The following DSCAML1 variants were observed in gnomAD, a reference collection of about 807,000 sequenced individuals.
DSCAML1 encodes DS cell adhesion molecule like 1.
A neutral mutation model predicts 200.5 loss-of-function variants in DSCAML1; 38 were observed. That is an observed-to-expected ratio of 0.19 (90% confidence interval 0.15 to 0.25). The LOEUF is 0.25. DSCAML1 is among the 10% of genes least tolerant of loss of function. The pLI is 1.00. For missense variants in DSCAML1, 2,223 were observed against 2,858.8 expected (o/e 0.78, Z 5.07); for synonymous variants, 1,215 against 1,165.0 (o/e 1.04, Z -0.87).
At position 117,504,859 on chromosome 11, in the gene DSCAML1, C is replaced by G. The variant is rs2049461936; in HGVS notation, c.2182+65G>C. 2 of 1,540,686 alleles carry G rather than the reference C, an allele frequency of 1.3e-6. No homozygotes were observed. Among genetic ancestry groups the G allele is most frequent in the Non-Finnish European group, 1.8e-6 (2 of 1,138,830 alleles). ...GCCTGCATGGAACAGGTTCAAATCC[C>G]ACAGAGCATCCTCCGTTCCCCGTCC... On this transcript the variant is annotated intron_variant, in intron 10 of 32. Coordinates refer to ENST00000651296, the MANE Select transcript of DSCAML1 (RefSeq NM_020693.4). This position sits in a 1 kb window ranked among gnomAD's most constrained non-coding sequence, Gnocchi z 5.0.
At chr11:117,625,458 G>A (rs764177803) in intron 3 of DSCAML1, among the ~76,000 whole-genome samples, 40 of 152,202 alleles carry the variant, frequency 2.6e-4, no homozygotes, top group African/African-American at 8.9e-4. Context: ...ACAGCCTGAC[G>A]CAGGGGAGAA....
chr11:117,660,019 C>T (rs921152567), intron 3 of DSCAML1, among the ~76,000 whole-genome samples: 9 of 152,222 alleles, frequency 5.9e-5, no homozygotes, highest in African/African-American at 1.7e-4. Flanking sequence ...CCACTACACC[C>T]GGCCTCTGCC....
chr11:117,513,990 C>T (rs942476293), intron 8 of DSCAML1, among the ~76,000 whole-genome samples: 8 of 152,170 alleles, frequency 5.3e-5, no homozygotes, highest in African/African-American at 9.7e-5. Context: ...GCCCTTCCAC[C>T]GGATGTCCAG....
At chr11:117,762,246 C>G (rs2054816576) in intron 3 of DSCAML1, among the ~76,000 whole-genome samples, 1 of 152,142 alleles carries the variant, frequency 6.6e-6, no homozygotes, top group South Asian at 2.1e-4. Context: ...TTTTATTTAT[C>G]TCGTTCTGGT....
chr11:117,585,198 C>T (rs901076369), intron 3 of DSCAML1, among the ~76,000 whole-genome samples: 1 of 152,132 alleles, frequency 6.6e-6, no homozygotes, highest in Non-Finnish European at 1.5e-5. Flanking sequence ...TACTTTCTGT[C>T]CCCCAAAGTG....
At chr11:117,605,745 G>A (rs893354643) in intron 3 of DSCAML1, among the ~76,000 whole-genome samples, 2 of 152,158 alleles carry the variant, frequency 1.3e-5, no homozygotes, top group Non-Finnish European at 2.9e-5. Context: ...AACACCTCCT[G>A]CCCCAGGGGA....
chr11:117,431,606 T>C lies in DSCAML1; in HGVS notation c.5302A>G (p.Thr1768Ala), dbSNP rs771919347. 2 of 1,612,776 alleles carry C rather than the reference T, an allele frequency of 1.2e-6. No homozygotes were observed. The highest frequency in any genetic ancestry group is 2.7e-5 in the African/African-American group (2 of 74,900). ...GTGACACCATGCTGGGAGCCCACGG[T>C]GCGCCAGTCGGAGGTGAGGGTGCGG... ...PARTLTSDWR[T>A]VGSQHGVTVT... Residue 1768 changes from threonine to alanine, a missense_variant, in exon 31 of 33, where the codon ACC becomes GCC. Physicochemically the swap from Thr to Ala is moderately conservative, Grantham distance 58. Coordinates refer to ENST00000651296, the MANE Select transcript of DSCAML1 (RefSeq NM_020693.4).
At chr11:117,703,713 A>T (rs1231201146) in intron 3 of DSCAML1, among the ~76,000 whole-genome samples, 1 of 152,216 alleles carries the variant, frequency 6.6e-6, no homozygotes, top group Non-Finnish European at 1.5e-5. Flanking sequence ...TGGAAGCAAG[A>T]CGGTTACCCC....
At chr11:117,552,288 T>G (rs904920579) in intron 3 of DSCAML1, among the ~76,000 whole-genome samples, 1 of 152,070 alleles carries the variant, frequency 6.6e-6, no homozygotes, top group Non-Finnish European at 1.5e-5. Flanking sequence ...TCTCCTGCTT[T>G]GACCTAATCT....
chr11:117,478,523 C>G (rs1296995549), intron 14 of DSCAML1, among the ~76,000 whole-genome samples: 1 of 152,200 alleles, frequency 6.6e-6, no homozygotes, highest in Non-Finnish European at 1.5e-5. Flanking sequence ...CCAATTTCTT[C>G]CACTCACATT....
At chr11:117,447,821 C>T (rs145866804) in intron 20 of DSCAML1, among the ~76,000 whole-genome samples, 58 of 152,328 alleles carry the variant, frequency 3.8e-4, no homozygotes, top group African/African-American at 1.2e-3. Context: ...CTGATACGCG[C>T]GTGTGCCCTC....
intron 11 of DSCAML1, among the ~76,000 whole-genome samples, chr11:117,497,489 C>T (rs2049312976): frequency 6.6e-6 from 1 of 152,238 alleles, no homozygotes; most frequent in African/African-American, 2.4e-5. Context: ...TTCTCCTCAC[C>T]TCTGTTTGAT....
intron 3 of DSCAML1, among the ~76,000 whole-genome samples, chr11:117,669,214 T>A (rs2053048414): frequency 6.6e-6 from 1 of 152,020 alleles, no homozygotes; most frequent in Admixed American, 6.5e-5. Flanking sequence ...TGCTGGGGAG[T>A]GCAGCCCTCA....
chr11:117,699,498 G>A (rs180882781), intron 3 of DSCAML1, among the ~76,000 whole-genome samples: 17 of 152,314 alleles, frequency 1.1e-4, no homozygotes, highest in Admixed American at 6.5e-4. Flanking sequence ...GAAAACAGAC[G>A]GTGGCAGTCA....
chr11:117,447,608 T>C (rs12419440), intron 20 of DSCAML1, among the ~76,000 whole-genome samples: 42,451 of 152,124 alleles, frequency 0.28, 6,863 homozygotes, highest in South Asian at 0.38. Context: ...AAAAATGTAT[T>C]ATATTATTAG....
intron 21 of DSCAML1, among the ~76,000 whole-genome samples, chr11:117,443,582 T>C (rs2048113230): frequency 6.6e-6 from 1 of 152,192 alleles, no homozygotes; most frequent in Non-Finnish European, 1.5e-5. Context: ...CGGCTTTGAA[T>C]TGGGGGTAGA....
intron 1 of DSCAML1, among the ~76,000 whole-genome samples, chr11:117,811,322 A>G: frequency 6.6e-6 from 1 of 152,138 alleles, no homozygotes. Context: ...TTTATTACCC[A>G]ATCTGCTCCC....
At chr11:117,617,910 G>A (rs2051845162) in intron 3 of DSCAML1, among the ~76,000 whole-genome samples, 1 of 152,128 alleles carries the variant, frequency 6.6e-6, no homozygotes, top group African/African-American at 2.4e-5. Context: ...ACTTGTTGAA[G>A]GACACACTGT....
intron 4 of DSCAML1, among the ~76,000 whole-genome samples, chr11:117,528,674 TG>T (rs2050021568): frequency 6.6e-6 from 1 of 152,168 alleles, no homozygotes; most frequent in Admixed American, 6.5e-5. Context: ...CTTTGTGAGC[TG>T]GGGATCCGAT....
Sources: allele counts gnomAD v4.1 joint callset (sites outside exome capture counted in the v4.1 genomes callset), GRCh38; gene constraint gnomAD v4.1.1; non-coding constraint Gnocchi (gnomAD v3.1); transcripts MANE v1.5; gene names NCBI Gene and HGNC (gene_info 2026-07-23, HGNC 2026-07-21).